Variants in CASD1 observed in about 807,000 individuals in gnomAD.
CASD1 encodes N-acetylneuraminate (7)9-O-acetyltransferase.
CASD1 carries 41 observed loss-of-function variants against 100.0 expected under a neutral mutation model. The ratio of observed to expected loss-of-function variants is 0.41; its 90% CI spans 0.32 to 0.53. The LOEUF (loss-of-function observed/expected upper bound fraction) is 0.53, where lower values mean the gene tolerates loss of function less well. Among genes scored for constraint, CASD1 ranks in the 20% least tolerant of loss-of-function variants. CASD1 has a pLI of 0.25. For synonymous variants in CASD1, 321 were observed against 315.6 expected, an observed-to-expected ratio of 1.02 and a Z score of -0.18; for missense variants, 774 against 948.7, an observed-to-expected ratio of 0.82 and a Z score of 2.42.
downstream of CASD1, among the ~76,000 whole-genome samples, chr7:94,561,665 T>C (rs1276532971): frequency 3.3e-5 from 5 of 152,064 alleles, no homozygotes; most frequent in Non-Finnish European, 5.9e-5. Flanking sequence ...AACTACTGAT[T>C]ATTAAACTCA....
At chr7:94,527,502 A>G (rs1467052074) in intron 4 of CASD1, among the ~76,000 whole-genome samples, 1 of 152,034 alleles carries the variant, frequency 6.6e-6, no homozygotes, top group Non-Finnish European at 1.5e-5. Flanking sequence ...CAAGACAAAA[A>G]TGGCCTTGAC....
At chr7:94,618,510 T>G in the CASD1 span, 1 of 463,266 alleles carries the variant, frequency 2.2e-6, no homozygotes, top group Non-Finnish European at 3.8e-6. Context: ...AAAGACTTAG[T>G]GCTATAATTT....
the CASD1 span, among the ~76,000 whole-genome samples, chr7:94,572,861 G>C: frequency 6.6e-6 from 1 of 151,480 alleles, no homozygotes; most frequent in African/African-American, 2.4e-5. Context: ...TTTATAATTT[G>C]GGGTTTTATA....
At chr7:94,591,729 C>T in the CASD1 span, among the ~76,000 whole-genome samples, 1 of 152,100 alleles carries the variant, frequency 6.6e-6, no homozygotes, top group Non-Finnish European at 1.5e-5. Flanking sequence ...TTCTAGCCTC[C>T]GTTTTTTCCT....
At chr7:94,630,149 AT>A in the CASD1 span, among the ~76,000 whole-genome samples, 1 of 151,914 alleles carries the variant, frequency 6.6e-6, no homozygotes, top group Non-Finnish European at 1.5e-5. Flanking sequence ...CTTTTTGGTA[AT>A]TTCTTTTTAC....
the CASD1 span, among the ~76,000 whole-genome samples, chr7:94,631,915 C>A: frequency 2.0e-5 from 3 of 151,912 alleles, no homozygotes; most frequent in Non-Finnish European, 4.4e-5. Flanking sequence ...ATTAAAAATA[C>A]CTTGAAGTAC....
chr7:94,538,778 A>T (rs995423837), intron 9 of CASD1, among the ~76,000 whole-genome samples, 189 bp from the exon 10 acceptor site: 1 of 152,226 alleles, frequency 6.6e-6, no homozygotes, highest in Non-Finnish European at 1.5e-5. Context: ...TATTATATTT[A>T]AAACAGTTTT....
chr7:94,543,807 A>G (rs1447343895), intron 10 of CASD1, among the ~76,000 whole-genome samples: 3 of 152,148 alleles, frequency 2.0e-5, no homozygotes, highest in African/African-American at 7.2e-5. Flanking sequence ...GCCTCCTATC[A>G]TATGTGGATT....
chr7:94,591,628 C>CA, the CASD1 span, among the ~76,000 whole-genome samples: 1 of 152,102 alleles, frequency 6.6e-6, no homozygotes, highest in African/African-American at 2.4e-5. Context: ...GGATGCCCCC[C>CA]ACTTCTCTTG....
At chr7:94,628,392 C>G in the CASD1 span, 9 of 1,544,138 alleles carry the variant, frequency 5.8e-6, no homozygotes, top group Non-Finnish European at 8.0e-6. Flanking sequence ...AGACATAAGA[C>G]AGTTATTTTC....
At chr7:94,579,679 A>G in the CASD1 span, among the ~76,000 whole-genome samples, 2 of 152,192 alleles carry the variant, frequency 1.3e-5, no homozygotes, top group African/African-American at 2.4e-5. Flanking sequence ...TAGCTGCTGC[A>G]TGAATGTTCA....
At chr7:94,531,801 A>G (rs1300434360) in intron 5 of CASD1, among the ~76,000 whole-genome samples, 1 of 151,992 alleles carries the variant, frequency 6.6e-6, no homozygotes, top group Non-Finnish European at 1.5e-5. Context: ...TGTGTGTATG[A>G]TTGCAATATC....
At chr7:94,569,950 A>G in the CASD1 span, among the ~76,000 whole-genome samples, 1 of 151,832 alleles carries the variant, frequency 6.6e-6, no homozygotes, top group East Asian at 1.9e-4. Flanking sequence ...AGTAGCTGGG[A>G]CTACAGGTGC....
At chr7:94,625,845 C>T in the CASD1 span, 4 of 151,950 alleles carry the variant, frequency 2.6e-5, no homozygotes, top group Non-Finnish European at 5.9e-5. Flanking sequence ...ACAAATGTTG[C>T]TTGATGAGCA....
At position 94,509,965 on chromosome 7, in the gene CASD1, G is replaced by T. The variant is rs1183424854; in HGVS notation, c.-120G>T. 3.3e-6 allele frequency: 4 copies of T among 1,215,140 alleles called. No homozygotes were observed. The Admixed American group carries it at 1.3e-4, about 40-fold the overall frequency. 75.3% of individuals were successfully genotyped at this position (1,215,140 alleles called of 1,614,324 possible). On this transcript the variant is annotated 5_prime_UTR_variant, in exon 1 of 18. Coordinates refer to ENST00000297273, the MANE Select transcript of CASD1 (RefSeq NM_022900.5). ...AGGTTCCCCGGCGGGAGGCGCAGGT[G>T]GCGGCCTGGGGAGCTGGCGGCCGCT...
At chr7:94,521,291 A>G (rs1226177355) in intron 3 of CASD1, among the ~76,000 whole-genome samples, 1 of 152,194 alleles carries the variant, frequency 6.6e-6, no homozygotes, top group African/African-American at 2.4e-5. Flanking sequence ...AATGAGGGAA[A>G]TGTTCAGAAA....
intron 14 of CASD1, 57 bp from the exon 15 acceptor site, chr7:94,551,281 T>C: frequency 7.2e-7 from 1 of 1,383,100 alleles, no homozygotes; most frequent in Non-Finnish European, 9.7e-7. Context: ...ACCAAATATT[T>C]TTCCTGTTTT....
the CASD1 span, chr7:94,587,582 G>T: frequency 7.3e-7 from 1 of 1,374,774 alleles, no homozygotes; most frequent in Non-Finnish European, 9.3e-7. Flanking sequence ...CTCTTTAGGT[G>T]ACTCATTTTT....
chr7:94,558,873 T>C (rs1380185019), downstream of CASD1, among the ~76,000 whole-genome samples: 1 of 151,970 alleles, frequency 6.6e-6, no homozygotes, highest in East Asian at 1.9e-4. Flanking sequence ...GATCTTGGCT[T>C]ACTGCAACCT....
Sources: allele counts gnomAD v4.1 joint callset (sites outside exome capture counted in the v4.1 genomes callset), GRCh38; gene constraint gnomAD v4.1.1; transcripts MANE v1.5; gene names NCBI Gene and HGNC (gene_info 2026-07-23, HGNC 2026-07-21).